The following WSCD2 variants were observed in gnomAD, a reference collection of about 807,000 sequenced individuals.
The protein encoded by WSCD2 is sialate:O-sulfotransferase 2.
Under a neutral mutation model 55.7 loss-of-function variants are expected in WSCD2, and 28 were observed. The observed-to-expected ratio is 0.50, with a 90% CI of 0.37 to 0.69. WSCD2 has a LOEUF of 0.69. Among genes scored for constraint, WSCD2 ranks in the 30% least tolerant of loss-of-function variants. WSCD2 has a pLI of 0.00. For synonymous variants in WSCD2, 301 were observed against 301.9 expected (o/e 1.00, Z 0.03); for missense variants, 616 against 762.1 (o/e 0.81, Z 2.26).
At chr12:108,150,549 C>T (rs1238679846) in intron 1 of WSCD2, among the ~76,000 whole-genome samples, 6 of 152,018 alleles carry the variant, frequency 3.9e-5, no homozygotes, top group Non-Finnish European at 7.4e-5. Flanking sequence ...CAGAAAGTCC[C>T]CTACAGAGGG....
Position 108,146,809 on chromosome 12 carries a change from C to CT in WSCD2, c.-552+16883_-552+16884insT, listed in dbSNP as rs572224999. Among the ~76,000 whole-genome samples, 49 of 152,220 alleles carry CT rather than the reference C, an allele frequency of 3.2e-4. No homozygotes were observed. The South Asian group carries it at 1.0e-2, about 31-fold the overall frequency. ...CTGGGCCCTGGCTAGAGAGCAGAGA[C>CT]GCTGTGATTTTTATAGGTCCTTCAA... is the stretch of plus-strand genomic sequence containing the variant. On this transcript the variant is annotated intron_variant, in intron 1 of 8. Coordinates refer to ENST00000547525, the MANE Select transcript of WSCD2 (RefSeq NM_014653.4).
intron 8 of WSCD2, 105 bp from the exon 9 acceptor site, chr12:108,247,886 T>G: frequency 8.1e-7 from 1 of 1,235,292 alleles, no homozygotes; most frequent in Non-Finnish European, 1.1e-6. Flanking sequence ...GTTAATTGTG[T>G]TACCGTGTTG....
intron 1 of WSCD2, among the ~76,000 whole-genome samples, chr12:108,166,779 TTC>T (rs1879689771): frequency 6.7e-6 from 1 of 148,756 alleles, no homozygotes. Flanking sequence ...CTTTCTTTCT[TTC>T]TTTCTTTCTG....
At chr12:108,170,570 C>T (rs1212913880) in intron 1 of WSCD2, among the ~76,000 whole-genome samples, 1 of 152,182 alleles carries the variant, frequency 6.6e-6, no homozygotes, top group Non-Finnish European at 1.5e-5. Flanking sequence ...TCATTGAATC[C>T]ACCACCGGCT....
chr12:108,223,563 A>G (rs978767098), intron 4 of WSCD2, among the ~76,000 whole-genome samples: 28 of 152,146 alleles, frequency 1.8e-4, no homozygotes, highest in African/African-American at 6.0e-4. Flanking sequence ...TTCACTTGTT[A>G]ATTTTTAAAA....
At chr12:108,181,176 C>T (rs895960040) in intron 1 of WSCD2, among the ~76,000 whole-genome samples, 2 of 152,170 alleles carry the variant, frequency 1.3e-5, no homozygotes, top group South Asian at 2.1e-4. Flanking sequence ...ATGCTGCAGC[C>T]GTCAGCAGCC....
At chr12:108,161,960 A>G (rs1367420430) in intron 1 of WSCD2, among the ~76,000 whole-genome samples, 2 of 152,168 alleles carry the variant, frequency 1.3e-5, no homozygotes, top group Non-Finnish European at 2.9e-5. Context: ...TTCACTGTGC[A>G]CTGTCATCTC....
intron 7 of WSCD2, among the ~76,000 whole-genome samples, chr12:108,238,969 G>T (rs1178059900): frequency 6.6e-6 from 1 of 152,216 alleles, no homozygotes; most frequent in Admixed American, 6.5e-5. Context: ...GAGAGGATTG[G>T]ATTGCTTAAT....
intron 8 of WSCD2, chr12:108,244,428 A>G (rs1162670388): frequency 1.4e-6 from 1 of 690,610 alleles, no homozygotes; most frequent in Non-Finnish European, 2.7e-6. Flanking sequence ...AAAATGATGG[A>G]GCATGTGGAG....
At chr12:108,185,866 C>T (rs1882418989) in intron 1 of WSCD2, among the ~76,000 whole-genome samples, 1 of 152,204 alleles carries the variant, frequency 6.6e-6, no homozygotes, top group Admixed American at 6.5e-5. Context: ...ACAGCAGCTC[C>T]TGGAGGAGAA....
chr12:108,138,946 G>A (rs1205104383), intron 1 of WSCD2, among the ~76,000 whole-genome samples: 1 of 152,208 alleles, frequency 6.6e-6, no homozygotes, highest in African/African-American at 2.4e-5. Context: ...GAGACACCTG[G>A]GTAATTGTCC....
chr12:108,209,005 C>T (rs1375147048), intron 3 of WSCD2, among the ~76,000 whole-genome samples: 1 of 152,208 alleles, frequency 6.6e-6, no homozygotes, highest in Non-Finnish European at 1.5e-5. Context: ...AGCACAAGTG[C>T]TCCCTCAAGC....
intron 2 of WSCD2, among the ~76,000 whole-genome samples, chr12:108,199,616 A>G (rs1884402580): frequency 6.6e-6 from 1 of 152,254 alleles, no homozygotes; most frequent in Non-Finnish European, 1.5e-5. Context: ...TGTGATGATT[A>G]CATAAGGTCA....
At chr12:108,158,698 TC>T (rs1878768129) in intron 1 of WSCD2, among the ~76,000 whole-genome samples, 2 of 152,062 alleles carry the variant, frequency 1.3e-5, no homozygotes, top group African/African-American at 4.8e-5. Flanking sequence ...AGGTCTCCTG[TC>T]CCAGCCCTAC....
intron 3 of WSCD2, among the ~76,000 whole-genome samples, chr12:108,207,108 T>C (rs1487331857): frequency 1.3e-5 from 2 of 152,160 alleles, no homozygotes; most frequent in Non-Finnish European, 2.9e-5. Context: ...AGTTGATGTT[T>C]TGAGAGTGGA....
intron 6 of WSCD2, among the ~76,000 whole-genome samples, chr12:108,231,328 C>G (rs563262513): frequency 3.9e-5 from 6 of 152,234 alleles, no homozygotes; most frequent in Admixed American, 2.0e-4. Context: ...TCTGAGCCTT[C>G]CCTCAGCTGC....
intron 8 of WSCD2, chr12:108,244,373 A>G (rs1889949471): frequency 3.2e-6 from 2 of 633,286 alleles, no homozygotes; most frequent in Admixed American, 2.1e-5. Flanking sequence ...TCTGCTGCTG[A>G]AACAGCTTGG....
chr12:108,193,482 A>G (rs1883454922), intron 1 of WSCD2, among the ~76,000 whole-genome samples: 1 of 151,660 alleles, frequency 6.6e-6, no homozygotes, highest in South Asian at 2.1e-4. Context: ...ATGGGCTGCT[A>G]TAGTTCAGAT....
intron 1 of WSCD2, among the ~76,000 whole-genome samples, chr12:108,168,221 G>A (rs1303293390): frequency 6.6e-6 from 1 of 152,192 alleles, no homozygotes; most frequent in Non-Finnish European, 1.5e-5. Flanking sequence ...TAGCTTAGCT[G>A]GTTAGACAGT....
Sources: gnomAD v4.1 joint callset for allele counts (sites outside exome capture counted in the v4.1 genomes callset) on GRCh38, gnomAD v4.1.1 for gene constraint, MANE v1.5 for transcripts, NCBI Gene and HGNC (gene_info 2026-07-23, HGNC 2026-07-21) for gene names.